Variants in BIRC6 observed in about 807,000 individuals in gnomAD.
BIRC6 encodes dual E2 ubiquitin-conjugating enzyme/E3 ubiquitin-protein ligase BIRC6.
BIRC6 carries 98 observed loss-of-function variants against 503.3 expected under a neutral mutation model. The observed-to-expected ratio is 0.19, with a 90% CI of 0.17 to 0.23. The LOEUF is 0.23. Among genes scored for constraint, BIRC6 ranks in the 10% least tolerant of loss-of-function variants. The probability of loss-of-function intolerance (pLI) is 1.00; values close to 1 mark genes in which losing one functional copy is unlikely to be tolerated. For synonymous variants in BIRC6, 2,240 were observed against 2,078.7 expected (o/e 1.08, Z -2.11); for missense variants, 5,360 against 5,806.0 (o/e 0.92, Z 2.50).
intron 3 of BIRC6, among the ~76,000 whole-genome samples, chr2:32,383,513 G>C (rs1232291509): frequency 2.0e-5 from 3 of 152,084 alleles, no homozygotes; most frequent in Non-Finnish European, 2.9e-5. Flanking sequence ...TGAAGAATCT[G>C]AATCCTCACT....
Position 32,401,525 on chromosome 2 carries a change from A to G in BIRC6, c.1320A>G (p.Ser440=), listed in dbSNP as rs2040592893. The G allele has an allele frequency of 1.9e-6, 3 of 1,613,900 alleles. No individual in the cohort carries two copies. The highest frequency in any genetic ancestry group is 2.5e-6 in the Non-Finnish European group (3 of 1,179,890). The change falls in exon 8 of 74, where the codon TCA becomes TCG. Residue 440 remains serine (S), a synonymous_variant. Transcript: ENST00000421745. ...CAATTGTACAACAGCTTATTCTATC[A>G]GGAGACCCAAGCTCAGGAGTTGATT... ...DPAIVQQLIL[S]GDPSSGVDSR...
chr2:32,461,639 G>T (rs1040298585), intron 23 of BIRC6, among the ~76,000 whole-genome samples: 8 of 151,550 alleles, frequency 5.3e-5, no homozygotes, highest in African/African-American at 1.5e-4. Context: ...GATATGTGCA[G>T]TTTTTGTTAT....
rs377273152 is a variant in BIRC6, at chr2:32,387,611, A to T, written c.646-1139A>T. 2.6e-5 allele frequency among the ~76,000 whole-genome samples: 4 copies of T among 152,338 alleles called. No homozygotes were observed. The South Asian group carries it at 8.3e-4, about 32-fold the overall frequency. On this transcript the variant is annotated intron_variant, in intron 3 of 73. Transcript: ENST00000421745. ...GGGCCCAGAATCCAGATGTGTGACT[A>T]TAAGGCCTGTGTTTTTAGTTGCTAT...
At chr2:32,423,473 C>G (rs2043152446) in intron 10 of BIRC6, among the ~76,000 whole-genome samples, 1 of 152,152 alleles carries the variant, frequency 6.6e-6, no homozygotes, top group Non-Finnish European at 1.5e-5. Flanking sequence ...TCATTCTACC[C>G]TCCGCTGCTG....
chr2:32,525,893 T>C (rs537687848), intron 59 of BIRC6, among the ~76,000 whole-genome samples: 1 of 152,308 alleles, frequency 6.6e-6, no homozygotes, highest in East Asian at 1.9e-4. Context: ...CATGAAATGA[T>C]TGATGAAATA....
intron 6 of BIRC6, among the ~76,000 whole-genome samples, chr2:32,398,889 C>T (rs1183437949): frequency 1.3e-5 from 2 of 151,960 alleles, no homozygotes; most frequent in Non-Finnish European, 2.9e-5. Flanking sequence ...GGAAAGACAT[C>T]TACATATTAA....
At position 32,488,706 on chromosome 2, in the gene BIRC6, T is replaced by C; in HGVS notation, c.8087T>C (p.Leu2696Ser). 7.2e-7 allele frequency: 1 copy of C among 1,398,282 alleles called. No individual in the cohort carries two copies. Among genetic ancestry groups the C allele is most frequent in the Non-Finnish European group, 9.7e-7 (1 of 1,031,052 alleles). The allele number at this position is 1,398,282 out of a possible 1,614,324, so 86.6% of individuals were successfully genotyped here. ...YNANRIPVIS[L>S]NQASITSFLT... Reference sequence around the variant, plus strand: ...GCTAATAGGATACCTGTTATTTCATTAAATCAAGGTAAGATTTATTAGGAG... The same window carrying C: ...GCTAATAGGATACCTGTTATTTCATCAAATCAAGGTAAGATTTATTAGGAG... Residue 2696 changes from leucine (L) to serine (S), a missense_variant, in exon 42 of 74, where the codon TTA becomes TCA. Leu to Ser is a moderately radical substitution (Grantham distance 145). Transcript: ENST00000421745.
chr2:32,513,189 A>G (rs1199719388), intron 54 of BIRC6, 35 bp downstream of exon 54: 3 of 1,514,256 alleles, frequency 2.0e-6, no homozygotes, highest in East Asian at 4.5e-5. Flanking sequence ...TTTATCCCCC[A>G]GTACTAGATC....
Position 32,415,744 on chromosome 2 carries a change from G to C in BIRC6, c.2453G>C (p.Arg818Thr). The C allele has an allele frequency of 6.2e-7, 1 of 1,613,724 alleles. No individual in the cohort carries two copies. Among genetic ancestry groups the C allele is most frequent in the Non-Finnish European group, 8.5e-7 (1 of 1,179,818 alleles). ...CCTTTAATAATTCAGCCTGAGCAGA[G>C]GAATGTTAGTGGTGGATATTTAGTG... ...QTPLIIQPEQ[R>T]NVSGGYLVLY... The change falls in exon 10 of 74, where the codon AGG becomes ACG. Residue 818 changes from arginine to threonine, a missense_variant. Arg to Thr is a moderately conservative substitution (Grantham distance 71, BLOSUM62 -1). Coordinates refer to ENST00000421745, the MANE Select transcript of BIRC6 (RefSeq NM_016252.4).
Position 32,463,393 on chromosome 2 carries a change from T to G in BIRC6, c.4941+12T>G. On this transcript the variant is annotated intron_variant, in intron 24 of 73. Transcript: ENST00000421745. ...AGCTTCAGCAACAGGTTGGAGACTA[T>G]TTGGCTCTTTGTTCATGCTGTCTCT... The G allele has an allele frequency of 1.9e-6, 3 of 1,586,584 alleles. No homozygotes were observed. Among genetic ancestry groups the G allele is most frequent in the Non-Finnish European group, 2.6e-6 (3 of 1,167,674 alleles).
intron 37 of BIRC6, among the ~76,000 whole-genome samples, chr2:32,480,454 A>G (rs1572518788): frequency 6.6e-6 from 1 of 152,030 alleles, no homozygotes; most frequent in Non-Finnish European, 1.5e-5. Context: ...ACAGGCTGGC[A>G]TTTACTAGGC....
In BIRC6 at chr2:32,392,013, A is replaced by G. The variant is rs111335873; in HGVS notation, c.840-26A>G. The G allele has an allele frequency of 6.7e-5, 95 of 1,418,778 alleles. 1 individual carries two copies. The highest frequency in any genetic ancestry group is 1.1e-4 in the Admixed American group (5 of 43,552). The allele number at this position is 1,418,778 out of a possible 1,614,324, so 87.9% of individuals were successfully genotyped here. A position where few individuals can be genotyped will look rare whatever the true frequency, so the allele number is the denominator to read the frequency against. On this transcript the variant is annotated intron_variant, in intron 4 of 73. Transcript: ENST00000421745. ...CACTGTGATTTGATGCCTAACTTCA[A>G]TTACATAAAGTATGTTTACTTTTAG...
intron 9 of BIRC6, among the ~76,000 whole-genome samples, chr2:32,408,431 A>C (rs1359848028): frequency 6.6e-6 from 1 of 152,154 alleles, no homozygotes; most frequent in Non-Finnish European, 1.5e-5. Context: ...CTCTTTCAAA[A>C]AATAACTCCT....
At chr2:32,460,272 A>ATATATATTT (rs1278940587) in intron 23 of BIRC6, among the ~76,000 whole-genome samples, 1 of 18,812 alleles carries the variant, frequency 5.3e-5, no homozygotes, top group African/African-American at 1.8e-4. Context: ...ATATATATAT[A>ATATATATTT]TTTTTTTTTT....
In BIRC6 at chr2:32,575,371, T is replaced by C; in HGVS notation, c.13355+5T>C. On this transcript the variant is annotated splice_donor_5th_base_variant and intron_variant, in intron 66 of 73. Coordinates refer to ENST00000421745, the MANE Select transcript of BIRC6 (RefSeq NM_016252.4). The stretch of plus-strand genomic sequence containing the variant: ...TACCTATACCAACCGTTTAAGGTAC[T>C]ATATACAATGTTCATTTCTCTTGAG... The C allele has an allele frequency of 6.2e-7, 1 of 1,610,296 alleles. No individual in the cohort carries two copies. The highest frequency in any genetic ancestry group is 8.5e-7 in the Non-Finnish European group (1 of 1,176,546).
Position 32,505,121 on chromosome 2 carries a change from G to T in BIRC6, c.9616G>T (p.Ala3206Ser). The change falls in exon 50 of 74, where the codon GCT (alanine) becomes TCT (serine). Residue 3206 changes from alanine (A) to serine (S), a missense_variant. Transcript: ENST00000421745. ...AWSYIFLPEE[A>S]WCDLTIHLPA... ...GTCCTACATCTTTCTTCCAGAGGAG[G>T]CTTGGTGTGACCTTACCATTCACCT... The T allele has an allele frequency of 1.2e-6, 2 of 1,607,946 alleles. No homozygotes were observed. The highest frequency in any genetic ancestry group is 2.2e-5 in the South Asian group (2 of 89,774).
At chr2:32,474,212 G>T (rs2049458031) in intron 33 of BIRC6, among the ~76,000 whole-genome samples, 2 of 151,870 alleles carry the variant, frequency 1.3e-5, no homozygotes, top group South Asian at 4.2e-4. Flanking sequence ...TTTAAAGGTA[G>T]ACTTGGCAAT....
intron 69 of BIRC6, among the ~76,000 whole-genome samples, chr2:32,598,377 C>T (rs759273201): frequency 3.9e-5 from 6 of 152,146 alleles, no homozygotes; most frequent in Non-Finnish European, 8.8e-5. Context: ...AAAAATGTTA[C>T]AGGATTTCCA....
intron 63 of BIRC6, 91 bp downstream of exon 63, chr2:32,545,951 G>C (rs2058026750): frequency 3.4e-6 from 4 of 1,176,118 alleles, no homozygotes; most frequent in Middle Eastern, 4.1e-4. Flanking sequence ...TAATCTTTCA[G>C]AGACTTGGGT....
Sources: allele counts gnomAD v4.1 joint callset (sites outside exome capture counted in the v4.1 genomes callset), GRCh38; gene constraint gnomAD v4.1.1; transcripts MANE v1.5; gene names NCBI Gene and HGNC (gene_info 2026-07-23, HGNC 2026-07-21).